The following COBL variants were observed in gnomAD, a reference collection of about 807,000 sequenced individuals.
The protein encoded by COBL is cordon-bleu WH2 repeat protein.
In COBL, 51 loss-of-function variants were observed where a neutral mutation model predicts 98.8. The observed-to-expected ratio is 0.52, with a 90% confidence interval of 0.41 to 0.65. The LOEUF (loss-of-function observed/expected upper bound fraction) is 0.65, where lower values mean the gene tolerates loss of function less well. Among genes scored for constraint, COBL ranks in the 30% least tolerant of loss-of-function variants. COBL has a pLI of 0.00. For synonymous variants in COBL, 634 were observed against 651.7 expected, an observed-to-expected ratio of 0.97 and a Z score of 0.41; for missense variants, 1,617 against 1,617.5, an observed-to-expected ratio of 1.00 and a Z score of 0.01.
At chr7:51,081,155 G>T (rs1341068817) in intron 7 of COBL, among the ~76,000 whole-genome samples, 1 of 152,208 alleles carries the variant, frequency 6.6e-6, no homozygotes, top group East Asian at 1.9e-4. Context: ...CGCTTGCCTG[G>T]TCTGAAGGGG....
rs539786136 is a variant in COBL, at chr7:51,232,582, C to A, written c.42-12638G>T. Among the ~76,000 whole-genome samples, 57 of 152,258 alleles carry A rather than the reference C, an allele frequency of 3.7e-4. No individual in the cohort carries two copies. In the South Asian group the frequency reaches 3.9e-3, roughly 11 times the overall value. ...ATCCCAGTACTTTGGGAGGCCAAGG[C>A]GGGCGGATCATGAGGTCAGGAGATC... On this transcript the variant is annotated intron_variant, in intron 1 of 12. Transcript: ENST00000265136.
chr7:51,126,917 G>A (rs961004958), intron 6 of COBL, among the ~76,000 whole-genome samples: 1 of 152,108 alleles, frequency 6.6e-6, no homozygotes, highest in Admixed American at 6.5e-5. Flanking sequence ...CGTCTCGCAT[G>A]AGCCTCCTTA....
intron 1 of COBL, among the ~76,000 whole-genome samples, chr7:51,265,378 G>A (rs551636526): frequency 2.0e-5 from 3 of 152,268 alleles, no homozygotes; most frequent in East Asian, 1.9e-4. Context: ...ACCCCAGCAC[G>A]CCCAGCCACA....
intron 1 of COBL, among the ~76,000 whole-genome samples, chr7:51,238,926 T>C (rs946495257): frequency 5.9e-5 from 9 of 152,226 alleles, no homozygotes; most frequent in African/African-American, 2.2e-4. Context: ...AACCAGCTCA[T>C]AGGGCTCTCA....
chr7:51,199,853 A>C (rs2129063931), intron 2 of COBL, among the ~76,000 whole-genome samples: 1 of 152,264 alleles, frequency 6.6e-6, no homozygotes, highest in East Asian at 1.9e-4. Flanking sequence ...TGGAAAGCCT[A>C]TTTAAAGAAA....
intron 7 of COBL, among the ~76,000 whole-genome samples, chr7:51,062,147 A>G (rs1341647342): frequency 6.6e-6 from 1 of 152,208 alleles, no homozygotes; most frequent in Non-Finnish European, 1.5e-5. Flanking sequence ...CAGAAAATAA[A>G]ACATACATTT....
intron 6 of COBL, among the ~76,000 whole-genome samples, chr7:51,133,036 T>C (rs1250116592): frequency 6.6e-6 from 1 of 152,000 alleles, no homozygotes; most frequent in Non-Finnish European, 1.5e-5. Flanking sequence ...TCACTCAGTA[T>C]AGGAAGGGGG....
rs772986331 is a variant in COBL at position 51,028,482 on chromosome 7, T to C, written c.2614A>G (p.Ile872Val). ...TTTGGGGCTCCTATGCGCTTGGCAA[T>C]GGCAGAGGCCACATACTGGCTGGAC... ...RTSSQYVASA[I>V]AKRIGAPKVH... is the part of the protein sequence containing the mutation. The change falls in exon 10 of 13, where the codon ATT becomes GTT. Residue 872 changes from isoleucine to valine, a missense_variant. Coordinates refer to ENST00000265136, the MANE Select transcript of COBL (RefSeq NM_015198.5). The C allele has an allele frequency of 5.6e-6, 9 of 1,614,264 alleles. No homozygotes were observed. In the Admixed American group the frequency reaches 8.3e-5, roughly 15 times the overall value.
At chr7:51,118,425 A>C (rs1797468761) in intron 6 of COBL, among the ~76,000 whole-genome samples, 1 of 152,052 alleles carries the variant, frequency 6.6e-6, no homozygotes, top group African/African-American at 2.4e-5. Flanking sequence ...GGCGGGTTCA[A>C]GACTGAGAGA....
At chr7:51,047,111 T>C (rs1789785633) in intron 7 of COBL, among the ~76,000 whole-genome samples, 1 of 152,260 alleles carries the variant, frequency 6.6e-6, no homozygotes, top group Admixed American at 6.5e-5. Context: ...AGTTAATTAA[T>C]GCACTGGCAA....
At chr7:51,222,967 C>T (rs1343233315) in intron 1 of COBL, among the ~76,000 whole-genome samples, 1 of 152,210 alleles carries the variant, frequency 6.6e-6, no homozygotes, top group Non-Finnish European at 1.5e-5. Flanking sequence ...CACCCTCCCT[C>T]CCCACGTCCA....
At chr7:51,262,769 G>C (rs963456304) in intron 1 of COBL, among the ~76,000 whole-genome samples, 1 of 152,202 alleles carries the variant, frequency 6.6e-6, no homozygotes. Context: ...TGGCTGTGGA[G>C]TGAGTGCTGG....
chr7:51,160,298 C>A (rs1245785890), intron 5 of COBL, among the ~76,000 whole-genome samples: 1 of 152,104 alleles, frequency 6.6e-6, no homozygotes, highest in Non-Finnish European at 1.5e-5. Flanking sequence ...TTTATATACA[C>A]AAGGCTCTGA....
chr7:51,033,444 T>C (rs1003864587), intron 8 of COBL: 3 of 152,260 alleles, frequency 2.0e-5, no homozygotes, highest in Non-Finnish European at 4.4e-5. Context: ...TCAGTAAATA[T>C]GATGATCATT....
intron 12 of COBL, 28 bp from the exon 13 acceptor site, chr7:51,017,596 T>C (rs368503017): frequency 3.3e-5 from 53 of 1,613,220 alleles, no homozygotes; most frequent in Non-Finnish European, 4.1e-5. Context: ...TCACAGTTAT[T>C]TGGTATGTCA....
chr7:51,032,382 A>G (rs1259291760), intron 8 of COBL: 1 of 152,208 alleles, frequency 6.6e-6, no homozygotes, highest in Non-Finnish European at 1.5e-5. Context: ...TTGTGCAGAA[A>G]ACACAGAGAC....
chr7:51,205,518 A>C (rs915453539), intron 2 of COBL, among the ~76,000 whole-genome samples: 4 of 152,024 alleles, frequency 2.6e-5, no homozygotes, highest in Non-Finnish European at 5.9e-5. Context: ...AAAAAAACTC[A>C]AAATAGATTA....
chr7:51,286,708 C>CA (rs1305523835), intron 1 of COBL, among the ~76,000 whole-genome samples: 1 of 152,114 alleles, frequency 6.6e-6, no homozygotes, highest in Non-Finnish European at 1.5e-5. Flanking sequence ...AGAGATTTCT[C>CA]AAAGAACTTA....
At chr7:51,255,837 C>T (rs577097164) in intron 1 of COBL, among the ~76,000 whole-genome samples, 1 of 152,278 alleles carries the variant, frequency 6.6e-6, no homozygotes, top group South Asian at 2.1e-4. Context: ...GTTGCCCCAC[C>T]TGATGCGGCC....
Sources: gnomAD v4.1 joint callset for allele counts (sites outside exome capture counted in the v4.1 genomes callset) on GRCh38, gnomAD v4.1.1 for gene constraint, MANE v1.5 for transcripts, NCBI Gene and HGNC (gene_info 2026-07-23, HGNC 2026-07-21) for gene names.